The following TNFRSF8 variants were observed in gnomAD, a reference collection of about 807,000 sequenced individuals.
The protein encoded by TNFRSF8 is tumor necrosis factor receptor superfamily member 8.
In TNFRSF8, 26 loss-of-function variants were observed where a neutral mutation model predicts 70.8. That is an observed-to-expected ratio of 0.37 (90% CI 0.27 to 0.51). The LOEUF is 0.51. Among genes scored for constraint, TNFRSF8 ranks in the 20% least tolerant of loss-of-function variants. TNFRSF8 has a pLI of 0.94. For synonymous variants in TNFRSF8, 356 were observed against 339.2 expected (o/e 1.05, Z -0.54); for missense variants, 720 against 807.9 (o/e 0.89, Z 1.32).
chr1:12,067,681 AAAG>A (rs1326924168), intron 1 of TNFRSF8, among the ~76,000 whole-genome samples: 1 of 152,058 alleles, frequency 6.6e-6, no homozygotes, highest in Non-Finnish European at 1.5e-5. Flanking sequence ...TTAAAAAAAA[AAAG>A]AGGAATTTTA....
chr1:12,138,180 G>A lies in TNFRSF8; in HGVS notation c.1336-49G>A, dbSNP rs1352258772. The A allele has an allele frequency of 4.4e-6, 7 of 1,594,856 alleles. No individual in the cohort carries two copies. Among genetic ancestry groups the A allele is most frequent in the East Asian group, 2.2e-5 (1 of 44,626 alleles). On this transcript the variant is annotated intron_variant, in intron 13 of 14. Coordinates refer to ENST00000263932, the MANE Select transcript of TNFRSF8 (RefSeq NM_001243.5). This position sits in a 1 kb window ranked among gnomAD's most constrained non-coding sequence, Gnocchi z 5.7. ...AAGGGGCCTCCCAGTTCAGAGACTG[G>A]TGGGGAGGTTGGGGGTACCCTGCAG...
chr1:12,139,037 C>T (rs570084542), intron 14 of TNFRSF8, among the ~76,000 whole-genome samples: 9 of 140,234 alleles, frequency 6.4e-5, no homozygotes, highest in South Asian at 2.2e-4. Flanking sequence ...AGCTTCCCAA[C>T]GGCAGCTGCT....
intron 1 of TNFRSF8, among the ~76,000 whole-genome samples, chr1:12,083,928 AGT>A (rs1641108219): frequency 6.6e-6 from 1 of 152,080 alleles, no homozygotes; most frequent in South Asian, 2.1e-4. Context: ...TTTTGGGAGG[AGT>A]GTGTGGGAGG....
Position 12,143,688 on chromosome 1 carries a change from T to A in TNFRSF8, c.*1157T>A, listed in dbSNP as rs1303925641. 8 of 152,134 alleles carry A rather than the reference T, an allele frequency of 5.3e-5. No homozygotes were observed. Among genetic ancestry groups the A allele is most frequent in the Admixed American group, 4.6e-4 (7 of 15,266 alleles). 9.4% of individuals were successfully genotyped at this position (152,134 alleles called of 1,614,324 possible). A position where few individuals can be genotyped will look rare whatever the true frequency, so the allele number is the denominator to read the frequency against. ...ACGCTAAGGAGTAGTGGCCCTGACT[T>A]CCGGTCGGCTGGCCAGCTGACTCCC... On this transcript the variant is annotated 3_prime_UTR_variant, in exon 15 of 15. Transcript: ENST00000263932. This position sits in a 1 kb window ranked among gnomAD's most constrained non-coding sequence, Gnocchi z 4.1.
At chr1:12,081,741 G>T (rs1641066466) in intron 1 of TNFRSF8, among the ~76,000 whole-genome samples, 1 of 151,958 alleles carries the variant, frequency 6.6e-6, no homozygotes, top group African/African-American at 2.4e-5. Flanking sequence ...TCCTGAACAT[G>T]CCGGAAGCTT....
chr1:12,083,797 G>A (rs934300229), intron 1 of TNFRSF8, among the ~76,000 whole-genome samples: 2 of 152,218 alleles, frequency 1.3e-5, no homozygotes, highest in African/African-American at 2.4e-5. Flanking sequence ...GCAACAGTGC[G>A]AATGATTCTC....
chr1:12,080,887 T>C (rs1012110999), intron 1 of TNFRSF8, among the ~76,000 whole-genome samples: 3 of 152,036 alleles, frequency 2.0e-5, no homozygotes, highest in Admixed American at 6.6e-5. Context: ...TAAAGATGGG[T>C]AGCCTGTGGC....
At position 12,123,790 on chromosome 1, in the gene TNFRSF8, C is replaced by G. The variant is rs199556801; in HGVS notation, c.1116C>G (p.Val372=). 2 of 1,576,654 alleles carry G rather than the reference C, an allele frequency of 1.3e-6. No homozygotes were observed. Among genetic ancestry groups the G allele is most frequent in the Non-Finnish European group, 1.7e-6 (2 of 1,160,640 alleles). The change falls in exon 10 of 15, where the codon GTC becomes GTG. Residue 372 remains valine, a synonymous_variant. Coordinates refer to ENST00000263932, the MANE Select transcript of TNFRSF8 (RefSeq NM_001243.5). The stretch of plus-strand genomic sequence containing the variant: ...TGCCCATCCCAACCAGCGCTCCCGT[C>G]GCTCTCTCCTCCACGGGGAAGCCCG... ...KTLPIPTSAP[V]ALSSTGKPVL... is the part of the protein sequence containing the mutation.
intron 2 of TNFRSF8, among the ~76,000 whole-genome samples, chr1:12,094,130 A>C (rs12723465): frequency 6.6e-6 from 1 of 150,382 alleles, no homozygotes; most frequent in Admixed American, 6.6e-5. Context: ...GGCGTGAGCC[A>C]CCGCACCCGA....
chr1:12,071,497 T>G (rs542112871), intron 1 of TNFRSF8, among the ~76,000 whole-genome samples: 20 of 152,338 alleles, frequency 1.3e-4, no homozygotes, highest in African/African-American at 4.8e-4. Context: ...GGATATGCTG[T>G]AGCAAAATGT....
At chr1:12,130,678 G>A (rs1478345597) in intron 12 of TNFRSF8, among the ~76,000 whole-genome samples, 5 of 152,256 alleles carry the variant, frequency 3.3e-5, no homozygotes, top group South Asian at 4.1e-4. Context: ...CACGTGCTCC[G>A]TGAGCGTGGG....
At chr1:12,115,265 C>T (rs1011575346) in intron 7 of TNFRSF8, among the ~76,000 whole-genome samples, 7 of 152,306 alleles carry the variant, frequency 4.6e-5, no homozygotes, top group Admixed American at 1.3e-4. Flanking sequence ...AGCTGAGCAA[C>T]CAGCCATCCC....
At chr1:12,120,144 T>C (rs1641804917) in intron 8 of TNFRSF8, among the ~76,000 whole-genome samples, 1 of 152,234 alleles carries the variant, frequency 6.6e-6, no homozygotes, top group Non-Finnish European at 1.5e-5. Context: ...AGAAGGCTTT[T>C]CTTCCTATAT....
At chr1:12,090,201 A>T (rs1400476037) in intron 2 of TNFRSF8, among the ~76,000 whole-genome samples, 1 of 139,690 alleles carries the variant, frequency 7.2e-6, no homozygotes, top group Non-Finnish European at 1.5e-5. Context: ...TAACCCATCC[A>T]TCTATCCACC....
chr1:12,098,463 C>A lies in TNFRSF8; in HGVS notation c.268+1246C>A, dbSNP rs527424900. Among the ~76,000 whole-genome samples, 36 of 152,278 alleles carry A rather than the reference C, an allele frequency of 2.4e-4. 1 individual carries two copies. The highest frequency in any genetic ancestry group is 1.0e-3 in the Admixed American group (16 of 15,288). On this transcript the variant is annotated intron_variant, in intron 3 of 14. Transcript: ENST00000263932. ...TCATTAGATGGCTGACACGCCTCTACCTCTCTGTATAAAGATGGGTAGGTT... is the reference window on the plus strand; with the variant it reads ...TCATTAGATGGCTGACACGCCTCTAACTCTCTGTATAAAGATGGGTAGGTT...
At chr1:12,079,262 C>G (rs924198428) in intron 1 of TNFRSF8, among the ~76,000 whole-genome samples, 4 of 152,218 alleles carry the variant, frequency 2.6e-5, no homozygotes, top group African/African-American at 9.7e-5. Flanking sequence ...AGGCCACCCT[C>G]TCTTTATCTT....
chr1:12,106,537 A>G (rs1641527233), intron 4 of TNFRSF8, among the ~76,000 whole-genome samples: 1 of 152,114 alleles, frequency 6.6e-6, no homozygotes, highest in Admixed American at 6.6e-5. Flanking sequence ...GTGTCCATCA[A>G]CATCTCCCCA....
intron 12 of TNFRSF8, among the ~76,000 whole-genome samples, chr1:12,128,808 G>C (rs1641991585): frequency 6.7e-6 from 1 of 150,320 alleles, no homozygotes; most frequent in African/African-American, 2.4e-5. Context: ...AAAACCTCCT[G>C]GTTGAGAACC....
intron 1 of TNFRSF8, among the ~76,000 whole-genome samples, chr1:12,073,357 A>G (rs1174556592): frequency 2.6e-5 from 4 of 152,112 alleles, no homozygotes; most frequent in South Asian, 2.1e-4. Flanking sequence ...CACCTCCAAG[A>G]GGATCAGAAA....
Sources: gnomAD v4.1 joint callset for allele counts (sites outside exome capture counted in the v4.1 genomes callset) on GRCh38, gnomAD v4.1.1 for gene constraint, Gnocchi (gnomAD v3.1) non-coding constraint, MANE v1.5 for transcripts, NCBI Gene and HGNC (gene_info 2026-07-23, HGNC 2026-07-21) for gene names.